The following SLC39A14 variants were observed in gnomAD, a reference collection of about 807,000 sequenced individuals.
SLC39A14 encodes the protein metal cation symporter ZIP14.
A neutral mutation model predicts 45.5 loss-of-function variants in SLC39A14; 19 were observed. The observed-to-expected ratio is 0.42, with a 90% CI of 0.29 to 0.61. SLC39A14 has a LOEUF of 0.61. Ranked by LOEUF, SLC39A14 falls within the 20% of genes least tolerant of loss-of-function variation. The pLI is 0.22. For missense variants in SLC39A14, 447 were observed against 616.5 expected, an observed-to-expected ratio of 0.73 and a Z score of 2.91; for synonymous variants, 264 against 251.3, an observed-to-expected ratio of 1.05 and a Z score of -0.48.
In SLC39A14 at chr8:22,412,099, G is replaced by T. The variant is rs578213115; in HGVS notation, c.520G>T (p.Val174Leu). 1.3e-6 allele frequency: 2 copies of T among 1,551,662 alleles called. No homozygotes were observed. The highest frequency in any genetic ancestry group is 1.4e-5 in the African/African-American group (1 of 73,174). Reference sequence around the variant, plus strand: ...CCTCTGCTCCCTCCTGGGGGCCAGCGTGGTGCCCTTCATGAAGAAGACCTT... The same window carrying T: ...CCTCTGCTCCCTCCTGGGGGCCAGCTTGGTGCCCTTCATGAAGAAGACCTT... ...ISLCSLLGAS[V>L]VPFMKKTFYK... Residue 174 changes from valine to leucine, a missense_variant, in exon 4 of 9, where the codon GTG (valine) becomes TTG (leucine). Coordinates refer to ENST00000381237, the MANE Select transcript of SLC39A14 (RefSeq NM_001128431.4).
rs34328787 is a variant in SLC39A14 at position 22,404,733 on chromosome 8, C to T, written c.23C>T (p.Pro8Leu). The T allele has an allele frequency of 4.3e-6, 7 of 1,613,152 alleles. No individual in the cohort carries two copies. Among genetic ancestry groups the T allele is most frequent in the African/African-American group, 1.3e-5 (1 of 74,748 alleles). The part of the protein sequence containing the change: MKLLLLH[P>L]AFQSCLLLTL... ...ACCATGAAGCTGCTGCTGCTGCACCCGGCCTTCCAGAGCTGCCTCCTGCTG... is the reference window on the plus strand; with the variant it reads ...ACCATGAAGCTGCTGCTGCTGCACCTGGCCTTCCAGAGCTGCCTCCTGCTG... The change falls in exon 2 of 9, where the codon CCG becomes CTG. Residue 8 changes from proline to leucine, a missense_variant. Pro to Leu is a moderately conservative substitution (Grantham distance 98). Coordinates refer to ENST00000381237, the MANE Select transcript of SLC39A14 (RefSeq NM_001128431.4).
At chr8:22,408,705 C>T (rs951521587) in intron 3 of SLC39A14, among the ~76,000 whole-genome samples, 1 of 152,118 alleles carries the variant, frequency 6.6e-6, no homozygotes, top group African/African-American at 2.4e-5. Context: ...ACTCCTGGGC[C>T]GTAGCTGGCG....
At chr8:22,431,209 G>A (rs768529770) in intron 8 of SLC39A14, among the ~76,000 whole-genome samples, 11 of 151,538 alleles carry the variant, frequency 7.3e-5, no homozygotes, top group East Asian at 1.9e-4. Context: ...GGATAGTCTC[G>A]ATCGCCTGAC....
chr8:22,403,362 C>T (rs986329907), intron 1 of SLC39A14, among the ~76,000 whole-genome samples: 3 of 151,912 alleles, frequency 2.0e-5, no homozygotes, highest in African/African-American at 7.3e-5. Context: ...TCACTGCAAC[C>T]TCTGCCTCCC....
chr8:22,374,494 A>G (rs1036672909), intron 1 of SLC39A14, among the ~76,000 whole-genome samples: 2 of 152,082 alleles, frequency 1.3e-5, no homozygotes, highest in African/African-American at 4.8e-5. Context: ...CTTGAAAGCT[A>G]GGAAGCGGGA....
chr8:22,375,833 T>G (rs897920533), intron 1 of SLC39A14, among the ~76,000 whole-genome samples: 22 of 152,148 alleles, frequency 1.4e-4, no homozygotes, highest in African/African-American at 5.3e-4. Flanking sequence ...TATTTTAAAC[T>G]TTTCTTTTGA....
chr8:22,396,975 T>G (rs2132272158), intron 1 of SLC39A14, among the ~76,000 whole-genome samples: 2 of 151,814 alleles, frequency 1.3e-5, no homozygotes, highest in Admixed American at 1.3e-4. Flanking sequence ...TTTTTTTTTC[T>G]TTTAAAAGTT....
intron 1 of SLC39A14, among the ~76,000 whole-genome samples, chr8:22,381,429 CCTGG>C (rs1833507440): frequency 6.6e-6 from 1 of 151,796 alleles, no homozygotes; most frequent in African/African-American, 2.4e-5. Flanking sequence ...CGCCACCAGG[CCTGG>C]CTAATGTTTT....
At chr8:22,368,898 GGAT>G (rs1832788263) in intron 1 of SLC39A14, among the ~76,000 whole-genome samples, 1 of 152,076 alleles carries the variant, frequency 6.6e-6, no homozygotes, top group Non-Finnish European at 1.5e-5. Context: ...ATACATCCTT[GGAT>G]GCATATCCCC....
intron 3 of SLC39A14, among the ~76,000 whole-genome samples, chr8:22,411,109 T>G (rs968122657): frequency 2.0e-5 from 3 of 152,220 alleles, no homozygotes; most frequent in Non-Finnish European, 2.9e-5. Context: ...CAACTTGGGC[T>G]ATTTTTTCAG....
At chr8:22,399,737 T>TGAGGGGCC (rs1440925501) in intron 1 of SLC39A14, among the ~76,000 whole-genome samples, 41 of 152,390 alleles carry the variant, frequency 2.7e-4, no homozygotes, top group Middle Eastern at 6.8e-3. Flanking sequence ...AGCAGCCACC[T>TGAGGGGCC]GAGGGGCCGA....
At chr8:22,389,048 C>CCGGCGCTGAGCAG (rs1833930247) in intron 1 of SLC39A14, among the ~76,000 whole-genome samples, 1 of 152,186 alleles carries the variant, frequency 6.6e-6, no homozygotes, top group Non-Finnish European at 1.5e-5. Context: ...CTGGAAGGGG[C>CCGGCGCTGAGCAG]CGGCGCTGAG....
intron 1 of SLC39A14, among the ~76,000 whole-genome samples, chr8:22,396,820 C>CT (rs1194859583): frequency 6.6e-6 from 1 of 151,970 alleles, no homozygotes; most frequent in African/African-American, 2.4e-5. Context: ...TGGTTCTGCC[C>CT]TTGTCATTCA....
At chr8:22,408,566 A>C in intron 3 of SLC39A14, 70 bp downstream of exon 3, 1 of 1,418,468 alleles carries the variant, frequency 7.0e-7, no homozygotes. Flanking sequence ...CCCTGGGCTG[A>C]GCTGCTGCTG....
intron 8 of SLC39A14, among the ~76,000 whole-genome samples, chr8:22,430,492 G>A (rs573731263): frequency 3.2e-4 from 48 of 152,270 alleles, no homozygotes; most frequent in African/African-American, 1.0e-3. Flanking sequence ...GTGGAAAGGC[G>A]TCCCTGATTC....
chr8:22,371,141 C>T (rs964057285), intron 1 of SLC39A14, among the ~76,000 whole-genome samples: 1 of 152,186 alleles, frequency 6.6e-6, no homozygotes, highest in African/African-American at 2.4e-5. Context: ...GGGAAAGCCA[C>T]AGAATTGGCC....
intron 5 of SLC39A14, chr8:22,415,115 C>T (rs1835797373): frequency 7.2e-6 from 4 of 555,702 alleles, no homozygotes; most frequent in Middle Eastern, 4.4e-4. Flanking sequence ...GCCAGGGTGC[C>T]TTCTACTAAG....
chr8:22,418,383 TTTATTAA>T (rs1836016405), intron 8 of SLC39A14, among the ~76,000 whole-genome samples: 1 of 152,186 alleles, frequency 6.6e-6, no homozygotes, highest in African/African-American at 2.4e-5. Context: ...ATCTATGGTC[TTTATTAA>T]TTATTATGGA....
At chr8:22,404,093 T>C (rs1226152098) in intron 1 of SLC39A14, among the ~76,000 whole-genome samples, 1 of 151,988 alleles carries the variant, frequency 6.6e-6, no homozygotes, top group Admixed American at 6.5e-5. Flanking sequence ...AGATGTCAAA[T>C]CCATGGTTAT....
Sources: gnomAD v4.1 joint callset for allele counts (sites outside exome capture counted in the v4.1 genomes callset) on GRCh38, gnomAD v4.1.1 for gene constraint, MANE v1.5 for transcripts, NCBI Gene and HGNC (gene_info 2026-07-23, HGNC 2026-07-21) for gene names.